TNRC18: variants seen among roughly 807,000 people sequenced by gnomAD.
The protein encoded by TNRC18 is trinucleotide repeat-containing gene 18 protein.
In TNRC18, 69 loss-of-function variants were observed where a neutral mutation model predicts 226.7. That is an observed-to-expected ratio of 0.30 (90% CI 0.25 to 0.37). The LOEUF (loss-of-function observed/expected upper bound fraction) is 0.37. Among genes scored for constraint, TNRC18 ranks in the 10% least tolerant of loss-of-function variants. The pLI is 1.00. For synonymous variants in TNRC18, 2,449 were observed against 1,927.6 expected, an observed-to-expected ratio of 1.27 and a Z score of -7.09; for missense variants, 4,754 against 4,256.6, an observed-to-expected ratio of 1.12 and a Z score of -3.25.
intron 19 of TNRC18, among the ~76,000 whole-genome samples, chr7:5,329,717 T>A (rs1158246251): frequency 6.9e-6 from 1 of 144,106 alleles, no homozygotes; most frequent in Non-Finnish European, 1.5e-5. Context: ...AGGATAGCTA[T>A]CTGTCCAAGG....
chr7:5,387,789 G>A lies in TNRC18; in HGVS notation c.2035C>T (p.His679Tyr). The change falls in exon 5 of 30, where the codon CAC becomes TAC. Residue 679 changes from histidine to tyrosine, a missense_variant. Physicochemically the swap from His to Tyr is moderately conservative, Grantham distance 83. Transcript: ENST00000430969. ...GCCACTGCAATGCCCACAGGCGGGT[G>A]TCGCACTTCTGCCTCACCCTGGGCA... ...SGAQGEAEVR[H>Y]PPVGIAVAVA... 6.2e-7 allele frequency: 1 copy of A among 1,607,428 alleles called. No individual in the cohort carries two copies. Among genetic ancestry groups the A allele is most frequent in the Non-Finnish European group, 8.5e-7 (1 of 1,179,778 alleles).
intron 1 of TNRC18, chr7:5,422,680 C>G (rs1782653681): frequency 6.6e-6 from 1 of 152,214 alleles, no homozygotes; most frequent in African/African-American, 2.4e-5. Flanking sequence ...TGCAAAACCC[C>G]TAGCCAAACC....
chr7:5,398,007 T>G (rs1226542120), intron 2 of TNRC18, among the ~76,000 whole-genome samples: 1 of 152,116 alleles, frequency 6.6e-6, no homozygotes, highest in Non-Finnish European at 1.5e-5. Flanking sequence ...GTTGTTTCTT[T>G]TTTTAGAGAC....
chr7:5,313,994 G>T, intron 26 of TNRC18, 131 bp from the exon 27 acceptor site: 2 of 1,028,052 alleles, frequency 1.9e-6, no homozygotes, highest in Non-Finnish European at 2.6e-6. Context: ...TGGGGTCTCA[G>T]TCACCCAAGC....
chr7:5,380,052 G>A (rs569902320), intron 5 of TNRC18, among the ~76,000 whole-genome samples: 225 of 152,252 alleles, frequency 1.5e-3, no homozygotes, highest in African/African-American at 5.0e-3. Context: ...GGTCTACAGC[G>A]GCCCCACAGC....
rs1404572255 is a variant in TNRC18, at chr7:5,394,898, G to A, written c.188-303C>T. ...CGGAGGAGGGCCTTCCACCCCTGCC[G>A]CCCAACCAGCCCAGATCCGGCCCGG... is the stretch of plus-strand genomic sequence containing the variant. On this transcript the variant is annotated intron_variant, in intron 2 of 29. Transcript: ENST00000430969. The surrounding 1 kb of genome is among the most constrained non-coding windows in gnomAD (Gnocchi z 4.5). Among the ~76,000 whole-genome samples the A allele has an allele frequency of 6.6e-6, 1 of 152,072 alleles. No individual in the cohort carries two copies. Among genetic ancestry groups the A allele is most frequent in the Admixed American group, 6.5e-5 (1 of 15,270 alleles).
intron 8 of TNRC18, 109 bp from the exon 9 acceptor site, chr7:5,376,333 G>A (rs1794674367): frequency 1.2e-5 from 12 of 1,039,968 alleles, no homozygotes; most frequent in Non-Finnish European, 1.6e-5. Flanking sequence ...ACAGTGGGGA[G>A]CTGGGCTCTC....
At chr7:5,360,970 C>G (rs1244366499) in intron 14 of TNRC18, among the ~76,000 whole-genome samples, 2 of 152,210 alleles carry the variant, frequency 1.3e-5, no homozygotes, top group African/African-American at 4.8e-5. Context: ...CACTCCAACC[C>G]CTTTCCTTGA....
chr7:5,415,374 T>C (rs989163047), intron 2 of TNRC18, among the ~76,000 whole-genome samples: 4 of 126,694 alleles, frequency 3.2e-5, no homozygotes, highest in Non-Finnish European at 6.3e-5. Flanking sequence ...TCCCTCTTTT[T>C]TTTTTTTTTT....
chr7:5,391,956 C>CA (rs1246419225), intron 3 of TNRC18, among the ~76,000 whole-genome samples: 1 of 151,568 alleles, frequency 6.6e-6, no homozygotes, highest in Non-Finnish European at 1.5e-5. Context: ...TGCCTAAGCC[C>CA]AGAGTCCTAT....
intron 16 of TNRC18, among the ~76,000 whole-genome samples, chr7:5,353,062 C>G (rs1347011584): frequency 2.0e-5 from 3 of 150,414 alleles, no homozygotes; most frequent in South Asian, 4.2e-4. Context: ...AAGACCCCAA[C>G]CTCAGGATGG....
At chr7:5,374,972 C>T (rs1794514707) in intron 9 of TNRC18, among the ~76,000 whole-genome samples, 1 of 152,086 alleles carries the variant, frequency 6.6e-6, no homozygotes. Flanking sequence ...AGGGAGTCAG[C>T]TCGGCGACCA....
intron 2 of TNRC18, 186 bp downstream of exon 2, chr7:5,420,874 C>A (rs1782531716): frequency 3.9e-6 from 3 of 766,508 alleles, no homozygotes; most frequent in Non-Finnish European, 6.6e-6. Context: ...CCGAGCCGCG[C>A]GACACTCTCC....
chr7:5,386,411 T>C (rs1779793874), intron 5 of TNRC18, among the ~76,000 whole-genome samples: 1 of 151,352 alleles, frequency 6.6e-6, no homozygotes, highest in Non-Finnish European at 1.5e-5. Context: ...ACCCCATCTC[T>C]ACTAAAAATA....
chr7:5,372,892 C>T (rs1335855860), intron 10 of TNRC18, among the ~76,000 whole-genome samples: 2 of 152,166 alleles, frequency 1.3e-5, no homozygotes, highest in East Asian at 3.9e-4. Context: ...GACATGGTGG[C>T]TCACGCCTGT....
chr7:5,327,049 G>A (rs1428967835), intron 19 of TNRC18, among the ~76,000 whole-genome samples: 1 of 152,124 alleles, frequency 6.6e-6, no homozygotes, highest in Non-Finnish European at 1.5e-5. Context: ...GCTTGAACCA[G>A]GAGACGGACG....
At chr7:5,367,914 C>T (rs1793767765) in intron 11 of TNRC18, among the ~76,000 whole-genome samples, 1 of 152,116 alleles carries the variant, frequency 6.6e-6, no homozygotes, top group African/African-American at 2.4e-5. Flanking sequence ...CTGACCATGA[C>T]AGTCACAAAG....
chr7:5,407,906 T>C (rs1482883585), intron 2 of TNRC18, among the ~76,000 whole-genome samples: 3 of 152,096 alleles, frequency 2.0e-5, no homozygotes, highest in Non-Finnish European at 2.9e-5. Context: ...AGATGCCTCT[T>C]AGCAGAGACA....
intron 4 of TNRC18, chr7:5,389,597 G>A (rs574322598): frequency 7.1e-6 from 2 of 280,948 alleles, no homozygotes; most frequent in South Asian, 3.3e-4. Flanking sequence ...TGGGATTACA[G>A]GCGCACCCCA....
Sources: allele counts gnomAD v4.1 joint callset (sites outside exome capture counted in the v4.1 genomes callset), GRCh38; gene constraint gnomAD v4.1.1; non-coding constraint Gnocchi (gnomAD v3.1); transcripts MANE v1.5; gene names NCBI Gene and HGNC (gene_info 2026-07-23, HGNC 2026-07-21).